The following ADAM10 variants were observed in gnomAD, a reference collection of about 807,000 sequenced individuals.
The protein encoded by ADAM10 is ADAM metallopeptidase domain 10.
Under a neutral mutation model 90.1 loss-of-function variants are expected in ADAM10, and 17 were observed. The ratio of observed to expected loss-of-function variants is 0.19; its 90% CI spans 0.13 to 0.28. The LOEUF is 0.28. ADAM10 is among the 10% of genes least tolerant of loss of function. The pLI is 1.00. For synonymous variants in ADAM10, 310 were observed against 298.6 expected (o/e 1.04, Z -0.40); for missense variants, 610 against 914.3 (o/e 0.67, Z 4.29).
In ADAM10 at chr15:58,611,924, C is replaced by T; in HGVS notation, c.1579G>A (p.Asp527Asn). ...ATTCCTTCCCTTGCACAGTCTGAAT[C>T]ATCCCGACACTTCTCAGACTTTGAC... ...FKSKSEKCRD[D>N]SDCAREGICN... Residue 527 changes from aspartate (D) to asparagine (N), a missense_variant, in exon 12 of 16, where the codon GAT (aspartate) becomes AAT (asparagine). Asp to Asn is a conservative substitution (Grantham distance 23). Around this residue, in one of 4 missense-constraint regions of ADAM10, gnomAD observed 53 missense variants for 62.0 expected, o/e 0.85. Coordinates refer to ENST00000260408, the MANE Select transcript of ADAM10 (RefSeq NM_001110.4). 6.2e-7 allele frequency: 1 copy of T among 1,614,196 alleles called. No individual in the cohort carries two copies. Among genetic ancestry groups the T allele is most frequent in the Non-Finnish European group, 8.5e-7 (1 of 1,180,028 alleles).
chr15:58,725,768 A>T (rs2140829413), intron 1 of ADAM10, among the ~76,000 whole-genome samples: 1 of 152,218 alleles, frequency 6.6e-6, no homozygotes, highest in South Asian at 2.1e-4. Context: ...CACATATTTA[A>T]AGTACTACAA....
chr15:58,708,048 G>A (rs1437719521), intron 2 of ADAM10, among the ~76,000 whole-genome samples: 2 of 151,932 alleles, frequency 1.3e-5, no homozygotes, highest in African/African-American at 4.8e-5. Context: ...CTGTACTCCA[G>A]CCTGGGCAAC....
At chr15:58,708,828 A>G (rs1487737470) in intron 2 of ADAM10, among the ~76,000 whole-genome samples, 2 of 152,212 alleles carry the variant, frequency 1.3e-5, no homozygotes, top group Non-Finnish European at 2.9e-5. Flanking sequence ...GATTTCAGAG[A>G]TGCACACAAA....
chr15:58,612,477 T>C (rs1215606319), intron 11 of ADAM10, among the ~76,000 whole-genome samples: 1 of 152,052 alleles, frequency 6.6e-6, no homozygotes, highest in African/African-American at 2.4e-5. Flanking sequence ...GACACCCTTC[T>C]CCCCACAGTA....
intron 5 of ADAM10, among the ~76,000 whole-genome samples, chr15:58,648,318 G>A (rs1896604675): frequency 6.6e-6 from 1 of 152,086 alleles, no homozygotes; most frequent in African/African-American, 2.4e-5. Context: ...TGATTTAGAT[G>A]GTCTCCAGGT....
chr15:58,698,633 G>T (rs1353757372), intron 2 of ADAM10, among the ~76,000 whole-genome samples: 1 of 149,600 alleles, frequency 6.7e-6, no homozygotes, highest in African/African-American at 2.5e-5. Context: ...GCAACTACTG[G>T]AAGTAAAGAA....
rs28676958 is a variant in ADAM10 at position 58,730,008 on chromosome 15, A to C, written c.56-12281T>G. On this transcript the variant is annotated intron_variant, in intron 1 of 15. Coordinates refer to ENST00000260408, the MANE Select transcript of ADAM10 (RefSeq NM_001110.4). ...AAACAAAACAAACAAACAAACAAAA[A>C]AAAAAACTCATTGAAGCACTTTAGA... Among the ~76,000 whole-genome samples, 184 of 141,580 alleles carry C rather than the reference A, an allele frequency of 1.3e-3. 1 individual carries two copies. Among genetic ancestry groups the C allele is most frequent in the African/African-American group, 3.9e-3 (153 of 38,942 alleles). The allele number at this position is 141,580 out of a possible 152,430, so 92.9% of individuals were successfully genotyped here. A position where few individuals can be genotyped will look rare whatever the true frequency, so the allele number is the denominator to read the frequency against.
intron 5 of ADAM10, among the ~76,000 whole-genome samples, chr15:58,647,814 A>C (rs1896590780): frequency 6.6e-6 from 1 of 152,106 alleles, no homozygotes; most frequent in African/African-American, 2.4e-5. Flanking sequence ...CAGCTTCCCG[A>C]AGTACTGGGA....
chr15:58,723,590 A>G (rs1898929832), intron 1 of ADAM10, among the ~76,000 whole-genome samples: 1 of 152,168 alleles, frequency 6.6e-6, no homozygotes, highest in African/African-American at 2.4e-5. Flanking sequence ...CTGTAATCCC[A>G]GCTACTTGGG....
intron 1 of ADAM10, among the ~76,000 whole-genome samples, chr15:58,729,008 T>C (rs1899133696): frequency 6.6e-6 from 1 of 152,146 alleles, no homozygotes; most frequent in South Asian, 2.1e-4. Context: ...AACTAAGCCA[T>C]TTTCAAGAAC....
intron 2 of ADAM10, chr15:58,692,337 G>C (rs1596074716): frequency 3.3e-6 from 2 of 605,834 alleles, no homozygotes; most frequent in South Asian, 2.7e-5. Context: ...CAGGGTTTCT[G>C]GTCCAAATCG....
intron 4 of ADAM10, among the ~76,000 whole-genome samples, chr15:58,668,649 C>A (rs1342337584): frequency 2.0e-5 from 3 of 152,128 alleles, no homozygotes; most frequent in African/African-American, 7.2e-5. Flanking sequence ...AGGTAGTATG[C>A]ACTACCCCAG....
In ADAM10 at chr15:58,655,721, A is replaced by ATACTATATATAGTGTG. The variant is rs1566982430; in HGVS notation, c.585+9375_585+9376insCACACTATATATAGTA. Among the ~76,000 whole-genome samples, 7 of 80,536 alleles carry ATACTATATATAGTGTG rather than the reference A, an allele frequency of 8.7e-5. 1 individual carries two copies. The East Asian group carries it at 3.6e-3, about 41-fold the overall frequency. 52.8% of individuals were successfully genotyped at this position (80,536 alleles called of 152,430 possible). On this transcript the variant is annotated intron_variant, in intron 5 of 15. Transcript: ENST00000260408. ...GTATATATATATATAGTATATATATATATATATATATATATATATTCTTTT... is the reference window on the plus strand; with the variant it reads ...GTATATATATATATAGTATATATATATACTATATATAGTGTGTATATATATATATATATATTCTTTT...
intron 5 of ADAM10, among the ~76,000 whole-genome samples, chr15:58,651,564 T>C (rs1424958566): frequency 1.3e-5 from 2 of 152,238 alleles, no homozygotes; most frequent in African/African-American, 4.8e-5. Context: ...TCCAGTTCCA[T>C]CCATGTTGTC....
chr15:58,670,612 A>G (rs1176401901), intron 4 of ADAM10, among the ~76,000 whole-genome samples: 2 of 152,280 alleles, frequency 1.3e-5, no homozygotes. Flanking sequence ...GATCTAAGAT[A>G]TAACTGTACA....
chr15:58,692,331 G>T (rs778952839), intron 2 of ADAM10: 1 of 606,770 alleles, frequency 1.6e-6, no homozygotes, highest in Non-Finnish European at 3.3e-6. Flanking sequence ...TGTCATCAGG[G>T]TTTCTGGTCC....
intron 1 of ADAM10, among the ~76,000 whole-genome samples, chr15:58,736,732 C>G (rs1369139508): frequency 6.6e-6 from 1 of 151,736 alleles, no homozygotes; most frequent in African/African-American, 2.4e-5. Context: ...TAAAAATTTT[C>G]AAGAATTAAA....
intron 4 of ADAM10, among the ~76,000 whole-genome samples, chr15:58,677,663 T>A (rs1897327787): frequency 6.6e-6 from 1 of 152,022 alleles, no homozygotes; most frequent in Non-Finnish European, 1.5e-5. Flanking sequence ...TAGAAAGCAA[T>A]GGAGAAAGTA....
chr15:58,616,289 A>T (rs1245054463), intron 11 of ADAM10, among the ~76,000 whole-genome samples: 1 of 152,222 alleles, frequency 6.6e-6, no homozygotes, highest in Non-Finnish European at 1.5e-5. Flanking sequence ...TCTAACAGAC[A>T]TTTACAGAAC....
Sources: allele counts gnomAD v4.1 joint callset (sites outside exome capture counted in the v4.1 genomes callset), GRCh38; gene constraint gnomAD v4.1.1; regional missense constraint gnomAD v4.1.1; transcripts MANE v1.5; gene names NCBI Gene and HGNC (gene_info 2026-07-23, HGNC 2026-07-21).